Variants in PLEKHG1 observed in about 807,000 individuals in gnomAD.
PLEKHG1 encodes pleckstrin homology and RhoGEF domain containing G1.
A neutral mutation model predicts 100.8 loss-of-function variants in PLEKHG1; 44 were observed. The observed-to-expected ratio is 0.44, with a 90% CI of 0.34 to 0.56. The LOEUF (loss-of-function observed/expected upper bound fraction) is 0.56. PLEKHG1 is among the 20% of genes least tolerant of loss of function. The pLI is 0.01. For synonymous variants in PLEKHG1, 640 were observed against 662.5 expected (o/e 0.97, Z 0.52); for missense variants, 1,545 against 1,720.9 (o/e 0.90, Z 1.81).
At chr6:150,720,029 C>A (rs1275637453), upstream of PLEKHG1, among the ~76,000 whole-genome samples, 1 of 152,208 alleles carries the variant, frequency 6.6e-6, no homozygotes, top group Non-Finnish European at 1.5e-5. Flanking sequence ...TAAGAATGAT[C>A]TGCTAGTGGT....
At chr6:150,781,273 G>T (rs191562160) in intron 3 of PLEKHG1, among the ~76,000 whole-genome samples, 59 of 151,562 alleles carry the variant, frequency 3.9e-4, no homozygotes, top group African/African-American at 1.3e-3. Flanking sequence ...GGGAGGCCAA[G>T]GCAGGTGGAT....
chr6:150,725,338 T>G (rs1324627996), intron 1 of PLEKHG1, among the ~76,000 whole-genome samples: 1 of 152,182 alleles, frequency 6.6e-6, no homozygotes, highest in Non-Finnish European at 1.5e-5. Flanking sequence ...AACATATGAA[T>G]TTTGAGAAGG....
chr6:150,696,184 T>A (rs1229813445), intron 3 of PLEKHG1, among the ~76,000 whole-genome samples: 1 of 152,156 alleles, frequency 6.6e-6, no homozygotes, highest in African/African-American at 2.4e-5. Flanking sequence ...AGTCCACATA[T>A]CCTTTAAATG....
At chr6:150,621,039 G>A (rs1019066973) in intron 1 of PLEKHG1, among the ~76,000 whole-genome samples, 1 of 152,180 alleles carries the variant, frequency 6.6e-6, no homozygotes, top group African/African-American at 2.4e-5. Flanking sequence ...CCTGACTTTA[G>A]TCTCTCTGTG....
intron 10 of PLEKHG1, among the ~76,000 whole-genome samples, chr6:150,810,020 G>C (rs994160675): frequency 6.6e-6 from 1 of 152,064 alleles, no homozygotes; most frequent in Non-Finnish European, 1.5e-5. Flanking sequence ...TAAAGAGGCT[G>C]GCATGTGGCT....
At chr6:150,798,243 A>G (rs1786472515) in intron 5 of PLEKHG1, among the ~76,000 whole-genome samples, 1 of 152,288 alleles carries the variant, frequency 6.6e-6, no homozygotes, top group South Asian at 2.1e-4. Context: ...TCCTTAGGGA[A>G]GGAAAAAAAA....
intron 3 of PLEKHG1, among the ~76,000 whole-genome samples, chr6:150,674,632 C>CTCTCTCT (rs1562427503): frequency 0.015 from 975 of 66,216 alleles, 118 homozygotes; most frequent in East Asian, 0.034. Context: ...CTCTCTCCTC[C>CTCTCTCT]CTCTCTCTCT....
chr6:150,752,340 C>G (rs1408554394), intron 2 of PLEKHG1, among the ~76,000 whole-genome samples: 1 of 152,118 alleles, frequency 6.6e-6, no homozygotes, highest in East Asian at 1.9e-4. Flanking sequence ...AATTCAGTGG[C>G]ATTAAGTATA....
At chr6:150,717,945 G>T (rs535541866), upstream of PLEKHG1, among the ~76,000 whole-genome samples, 61 of 152,224 alleles carry the variant, frequency 4.0e-4, no homozygotes, top group African/African-American at 1.5e-3. Context: ...GGGTGTGGTG[G>T]TGCACACCTG....
intron 1 of PLEKHG1, among the ~76,000 whole-genome samples, chr6:150,602,112 T>A (rs1776381470): frequency 6.6e-6 from 1 of 152,258 alleles, no homozygotes; most frequent in African/African-American, 2.4e-5. Flanking sequence ...GAATGGTTCA[T>A]AGTCTGTCCC....
At chr6:150,813,190 A>T (rs1583181609) in intron 10 of PLEKHG1, among the ~76,000 whole-genome samples, 1 of 151,862 alleles carries the variant, frequency 6.6e-6, no homozygotes, top group East Asian at 1.9e-4. Context: ...CTGTAGTCCC[A>T]GCTACGCGGG....
At chr6:150,664,252 T>C (rs1467206185) in intron 3 of PLEKHG1, 3 of 152,218 alleles carry the variant, frequency 2.0e-5, no homozygotes, top group African/African-American at 7.2e-5. Context: ...ATACATATTG[T>C]CCCTTCTTTT....
chr6:150,764,632 A>G (rs1314530333), intron 2 of PLEKHG1, among the ~76,000 whole-genome samples: 1 of 152,038 alleles, frequency 6.6e-6, no homozygotes, highest in Non-Finnish European at 1.5e-5. Flanking sequence ...GCTGGCCTGA[A>G]ATCTAGCCCT....
chr6:150,694,928 T>A (rs952346287), intron 3 of PLEKHG1, among the ~76,000 whole-genome samples: 7 of 152,146 alleles, frequency 4.6e-5, no homozygotes. Context: ...ACATCTAAAG[T>A]TTTAAAACCT....
At chr6:150,760,768 C>T (rs1784111940) in intron 2 of PLEKHG1, among the ~76,000 whole-genome samples, 1 of 151,668 alleles carries the variant, frequency 6.6e-6, no homozygotes, top group Non-Finnish European at 1.5e-5. Flanking sequence ...GGCCAACTGT[C>T]TACCTCTGTC....
intron 3 of PLEKHG1, among the ~76,000 whole-genome samples, chr6:150,651,554 GA>G (rs546939242): frequency 6.6e-6 from 1 of 152,016 alleles, no homozygotes; most frequent in South Asian, 2.1e-4. Context: ...TTTTAAAACA[GA>G]AAAAACTATT....
chr6:150,644,743 T>G (rs995893487), intron 2 of PLEKHG1, among the ~76,000 whole-genome samples: 4 of 152,154 alleles, frequency 2.6e-5, no homozygotes, highest in Non-Finnish European at 5.9e-5. Context: ...TTTTAAAAGG[T>G]AACTTCTCCA....
intron 3 of PLEKHG1, among the ~76,000 whole-genome samples, chr6:150,774,112 G>C (rs1784835126): frequency 6.6e-6 from 1 of 152,286 alleles, no homozygotes; most frequent in Non-Finnish European, 1.5e-5. Context: ...TTGGATTTCT[G>C]TGTAGACAAT....
intron 4 of PLEKHG1, among the ~76,000 whole-genome samples, chr6:150,789,140 T>C (rs1452291360): frequency 6.6e-6 from 1 of 152,214 alleles, no homozygotes; most frequent in Non-Finnish European, 1.5e-5. Context: ...ATTCAATAAA[T>C]ATTTGAGAGA....
Sources: gnomAD v4.1 joint callset for allele counts (sites outside exome capture counted in the v4.1 genomes callset) on GRCh38, gnomAD v4.1.1 for gene constraint, MANE v1.5 for transcripts, NCBI Gene and HGNC (gene_info 2026-07-23, HGNC 2026-07-21) for gene names.